SLC22A15: variants seen among roughly 807,000 people sequenced by gnomAD.
SLC22A15 encodes the protein solute carrier family 22 member 15.
In SLC22A15, 45 loss-of-function variants were observed where a neutral mutation model predicts 62.7. The ratio of observed to expected loss-of-function variants is 0.72; its 90% CI spans 0.56 to 0.92. The LOEUF (loss-of-function observed/expected upper bound fraction) is 0.92, where lower values mean the gene tolerates loss of function less well. SLC22A15 is among the 40% of genes least tolerant of loss of function. The pLI is 0.00. For synonymous variants in SLC22A15, 264 were observed against 267.0 expected (o/e 0.99, Z 0.11); for missense variants, 622 against 665.6 (o/e 0.93, Z 0.72).
intron 7 of SLC22A15, among the ~76,000 whole-genome samples, chr1:116,036,071 G>A (rs1432478837): frequency 6.6e-6 from 1 of 152,152 alleles, no homozygotes; most frequent in Non-Finnish European, 1.5e-5. Context: ...GTGTTTTGAA[G>A]GGCAGGTTTG....
At position 115,976,522 on chromosome 1, in the gene SLC22A15, C is replaced by A; in HGVS notation, c.-106C>A. On this transcript the variant is annotated 5_prime_UTR_variant, in exon 1 of 12. Transcript: ENST00000369503. ...CGCCGCCAGCGCTTCCATCCCCGCC[C>A]CGGCGGGTCCAAGCCGGTGCCGGGC... 1.8e-6 allele frequency: 1 copy of A among 540,696 alleles called. No homozygotes were observed. Among genetic ancestry groups the A allele is most frequent in the Non-Finnish European group, 2.7e-6 (1 of 375,182 alleles). The allele number at this position is 540,696 out of a possible 1,614,324, so 33.5% of individuals were successfully genotyped here.
chr1:116,058,527 A>G (rs907129653), intron 8 of SLC22A15, among the ~76,000 whole-genome samples: 1 of 152,194 alleles, frequency 6.6e-6, no homozygotes, highest in Admixed American at 6.5e-5. Context: ...GGGAATATAA[A>G]CTAGTACAGC....
intron 8 of SLC22A15, among the ~76,000 whole-genome samples, chr1:116,062,330 A>T (rs560243132): frequency 3.9e-5 from 6 of 152,314 alleles, no homozygotes; most frequent in African/African-American, 1.4e-4. Context: ...GCTTTTCTGG[A>T]GCTTACCTCT....
intron 2 of SLC22A15, among the ~76,000 whole-genome samples, chr1:116,012,297 C>T (rs974711288): frequency 6.6e-6 from 1 of 152,062 alleles, no homozygotes; most frequent in Non-Finnish European, 1.5e-5. Flanking sequence ...TCTCAGTTCT[C>T]GGAGTCAGTA....
chr1:115,977,124 G>T (rs1318007752), intron 1 of SLC22A15, among the ~76,000 whole-genome samples: 1 of 152,204 alleles, frequency 6.6e-6, no homozygotes, highest in Non-Finnish European at 1.5e-5. Context: ...TGGAATCTAG[G>T]ACACAGTCTT....
At chr1:116,030,182 C>A (rs1214633266) in intron 5 of SLC22A15, among the ~76,000 whole-genome samples, 2 of 152,204 alleles carry the variant, frequency 1.3e-5, no homozygotes, top group South Asian at 2.1e-4. Flanking sequence ...ATATTCCTTT[C>A]CTCAGTAGCA....
chr1:116,062,378 T>TG (rs1326257697), intron 8 of SLC22A15, among the ~76,000 whole-genome samples: 1 of 152,214 alleles, frequency 6.6e-6, no homozygotes, highest in Non-Finnish European at 1.5e-5. Flanking sequence ...TGCAGACCAC[T>TG]GTTTTACGTC....
intron 4 of SLC22A15, 95 bp from the exon 5 acceptor site, chr1:116,026,798 T>C: frequency 6.7e-7 from 1 of 1,490,652 alleles, no homozygotes; most frequent in Non-Finnish European, 9.2e-7. Context: ...AGGGCTGACA[T>C]CTCACCAGGA....
chr1:116,000,582 A>G (rs1168483680), intron 2 of SLC22A15, among the ~76,000 whole-genome samples: 4 of 150,394 alleles, frequency 2.7e-5, no homozygotes, highest in African/African-American at 7.3e-5. Context: ...GTACTTAACT[A>G]TAACTAGTGA....
At chr1:116,010,121 G>A (rs1220262715) in intron 2 of SLC22A15, among the ~76,000 whole-genome samples, 3 of 152,164 alleles carry the variant, frequency 2.0e-5, no homozygotes, top group South Asian at 2.1e-4. Context: ...CTATTGGAGC[G>A]AATTTATGTA....
chr1:115,997,591 C>A (rs148363679), intron 2 of SLC22A15, among the ~76,000 whole-genome samples: 1 of 151,938 alleles, frequency 6.6e-6, no homozygotes, highest in South Asian at 2.1e-4. Context: ...TTCTTGATTT[C>A]TCTTTCAGAT....
chr1:116,016,375 C>T (rs1455216220), intron 2 of SLC22A15, among the ~76,000 whole-genome samples: 1 of 149,412 alleles, frequency 6.7e-6, no homozygotes, highest in Non-Finnish European at 1.5e-5. Context: ...TACAGGTGTG[C>T]ACCACCACAC....
At chr1:116,051,808 A>G (rs1175263233) in intron 8 of SLC22A15, among the ~76,000 whole-genome samples, 1 of 152,196 alleles carries the variant, frequency 6.6e-6, no homozygotes, top group African/African-American at 2.4e-5. Context: ...CACAGACTGC[A>G]GAAAAACAGC....
intron 8 of SLC22A15, among the ~76,000 whole-genome samples, chr1:116,053,666 T>A (rs1359821914): frequency 6.6e-6 from 1 of 152,156 alleles, no homozygotes; most frequent in Non-Finnish European, 1.5e-5. Context: ...AAGGTTGGGT[T>A]ACCCACAAAG....
chr1:115,995,643 TG>T (rs1655384924), intron 2 of SLC22A15, among the ~76,000 whole-genome samples: 1 of 152,314 alleles, frequency 6.6e-6, no homozygotes, highest in African/African-American at 2.4e-5. Context: ...CTCCCTTGTC[TG>T]TCTGTCTGTC....
chr1:116,054,660 A>T (rs893347462), intron 8 of SLC22A15, among the ~76,000 whole-genome samples: 1 of 152,332 alleles, frequency 6.6e-6, no homozygotes, highest in East Asian at 1.9e-4. Context: ...TTGGAAATAA[A>T]GCTCTCCTCA....
intron 5 of SLC22A15, among the ~76,000 whole-genome samples, chr1:116,028,548 TA>T (rs67564443): frequency 0.77 from 70,485 of 91,632 alleles, 28,576 homozygotes; most frequent in South Asian, 0.86. Flanking sequence ...TTTTTTTTTT[TA>T]AAATATATAG....
chr1:116,054,818 G>A (rs1057456389), intron 8 of SLC22A15, among the ~76,000 whole-genome samples: 17 of 152,046 alleles, frequency 1.1e-4, no homozygotes, highest in Admixed American at 3.9e-4. Flanking sequence ...GGTACATAAC[G>A]AAATGAAGGC....
rs562750915 is a variant in SLC22A15 at position 116,011,118 on chromosome 1, C to T, written c.301-8464C>T. ...AAAAGTCTGCCTTTTAGAAGGGATA[C>T]AGCAGCCAGCTGAGGGGCTAGGTAC... On this transcript the variant is annotated intron_variant, in intron 2 of 11. Transcript: ENST00000369503. Among the ~76,000 whole-genome samples the T allele has an allele frequency of 1.9e-3, 290 of 152,316 alleles. 1 individual carries two copies. The highest frequency in any genetic ancestry group is 6.8e-3 in the African/African-American group (282 of 41,568).
Sources: allele counts gnomAD v4.1 joint callset (sites outside exome capture counted in the v4.1 genomes callset), GRCh38; gene constraint gnomAD v4.1.1; transcripts MANE v1.5; gene names NCBI Gene and HGNC (gene_info 2026-07-23, HGNC 2026-07-21).